TMEM132C: variants seen among roughly 807,000 people sequenced by gnomAD.
TMEM132C encodes the protein transmembrane protein 132C, also known as protein phosphatase 1, regulatory subunit 152.
TMEM132C carries 29 observed loss-of-function variants against 61.4 expected under a neutral mutation model. The ratio of observed to expected loss-of-function variants is 0.47; its 90% CI spans 0.35 to 0.64. The LOEUF (loss-of-function observed/expected upper bound fraction) is 0.64. Ranked by LOEUF, TMEM132C falls within the 30% of genes least tolerant of loss-of-function variation. The pLI, the probability that TMEM132C is intolerant of heterozygous loss-of-function variation, is 0.00. For missense variants in TMEM132C, 1,408 were observed against 1,476.9 expected, an observed-to-expected ratio of 0.95 and a Z score of 0.76; for synonymous variants, 656 against 633.1, an observed-to-expected ratio of 1.04 and a Z score of -0.54.
chr12:128,386,285 TTC>T (rs1283323931), intron 1 of TMEM132C, among the ~76,000 whole-genome samples: 2 of 152,176 alleles, frequency 1.3e-5, no homozygotes, highest in Admixed American at 6.5e-5. Flanking sequence ...GTGGCACCGT[TTC>T]TCTCTTTCGC....
intron 1 of TMEM132C, among the ~76,000 whole-genome samples, chr12:128,330,625 A>T (rs1565903282): frequency 6.6e-6 from 1 of 152,178 alleles, no homozygotes; most frequent in African/African-American, 2.4e-5. Flanking sequence ...CATTTTATAG[A>T]TCATCTTCTG....
At chr12:128,508,358 T>C (rs113372774) in intron 2 of TMEM132C, among the ~76,000 whole-genome samples, 146 of 152,246 alleles carry the variant, frequency 9.6e-4, no homozygotes, top group African/African-American at 3.5e-3. Flanking sequence ...AAGATGAGAT[T>C]TGGGTGGGGA....
At chr12:128,461,493 A>T (rs1454998307) in intron 2 of TMEM132C, among the ~76,000 whole-genome samples, 1 of 151,156 alleles carries the variant, frequency 6.6e-6, no homozygotes, top group African/African-American at 2.4e-5. Context: ...TGGCCTGAAG[A>T]CTGTCAGTGG....
intron 2 of TMEM132C, among the ~76,000 whole-genome samples, chr12:128,456,239 C>G (rs771090029): frequency 2.0e-5 from 3 of 151,950 alleles, no homozygotes; most frequent in Non-Finnish European, 4.4e-5. Flanking sequence ...ATCTGAGACC[C>G]GATGCAGTCT....
At chr12:128,394,998 GT>G (rs1337289051) in intron 1 of TMEM132C, among the ~76,000 whole-genome samples, 5 of 149,910 alleles carry the variant, frequency 3.3e-5, no homozygotes, top group African/African-American at 1.2e-4. Flanking sequence ...AATCACTTTT[GT>G]AAGTGTGATT....
At chr12:128,274,688 G>C (rs1870626889) in intron 1 of TMEM132C, among the ~76,000 whole-genome samples, 1 of 152,118 alleles carries the variant, frequency 6.6e-6, no homozygotes, top group South Asian at 2.1e-4. Flanking sequence ...ACTTATTTTT[G>C]TCTCAGTGCT....
intron 2 of TMEM132C, among the ~76,000 whole-genome samples, chr12:128,417,208 C>T (rs933756765): frequency 6.6e-6 from 1 of 152,106 alleles, no homozygotes; most frequent in African/African-American, 2.4e-5. Flanking sequence ...GAAATAAATG[C>T]ATCTATCCCT....
chr12:128,373,694 G>GAT (rs1278918603), intron 1 of TMEM132C, among the ~76,000 whole-genome samples: 1 of 152,214 alleles, frequency 6.6e-6, no homozygotes, highest in African/African-American at 2.4e-5. Flanking sequence ...GATCTTAGAG[G>GAT]ATACGAAAGG....
At chr12:128,608,084 A>G (rs971400310) in intron 3 of TMEM132C, among the ~76,000 whole-genome samples, 3 of 152,224 alleles carry the variant, frequency 2.0e-5, no homozygotes, top group African/African-American at 7.2e-5. Flanking sequence ...TGGTACCGTC[A>G]GCAAATCTTA....
intron 2 of TMEM132C, among the ~76,000 whole-genome samples, chr12:128,501,399 A>G (rs948287564): frequency 1.3e-5 from 2 of 152,202 alleles, no homozygotes; most frequent in African/African-American, 2.4e-5. Context: ...CTGCATCCCT[A>G]TGTGACTCAG....
chr12:128,323,439 A>G (rs1295316006), intron 1 of TMEM132C, among the ~76,000 whole-genome samples: 1 of 152,240 alleles, frequency 6.6e-6, no homozygotes, highest in East Asian at 1.9e-4. Flanking sequence ...ATTACAGGCC[A>G]AGAGGGAAGT....
At chr12:128,536,402 GC>G (rs1668451110) in intron 2 of TMEM132C, among the ~76,000 whole-genome samples, 4 of 152,112 alleles carry the variant, frequency 2.6e-5, no homozygotes, top group Non-Finnish European at 5.9e-5. Context: ...GGGGTGGGGG[GC>G]TGGGGGAGGG....
At chr12:128,337,670 C>T (rs1286162976) in intron 1 of TMEM132C, among the ~76,000 whole-genome samples, 1 of 152,106 alleles carries the variant, frequency 6.6e-6, no homozygotes, top group South Asian at 2.1e-4. Flanking sequence ...GAGGTTCGTC[C>T]CCTTGCTCCT....
At chr12:128,622,355 AAAAAAATATATATATATATATATATAT>A (rs1306806416) in intron 4 of TMEM132C, among the ~76,000 whole-genome samples, 4 of 62,790 alleles carry the variant, frequency 6.4e-5, no homozygotes, top group Admixed American at 1.5e-4. Context: ...AAAAAAAAAA[AAAAAAATATATATATATATATATATAT>A]ATATATATAT....
At chr12:128,300,677 C>T (rs1160877145) in intron 1 of TMEM132C, among the ~76,000 whole-genome samples, 3 of 152,130 alleles carry the variant, frequency 2.0e-5, no homozygotes, top group Non-Finnish European at 4.4e-5. Flanking sequence ...AGATGTGCTT[C>T]CCTAGAAATA....
intron 3 of TMEM132C, among the ~76,000 whole-genome samples, chr12:128,609,663 A>T (rs920131633): frequency 2.0e-5 from 3 of 152,076 alleles, no homozygotes; most frequent in African/African-American, 4.8e-5. Flanking sequence ...CTGTTATCCC[A>T]CACCCTGAAC....
intron 5 of TMEM132C, among the ~76,000 whole-genome samples, chr12:128,685,990 C>T (rs1197071918): frequency 6.6e-6 from 1 of 151,964 alleles, no homozygotes; most frequent in Non-Finnish European, 1.5e-5. Flanking sequence ...TAAGCAATCA[C>T]TGATAAAAGT....
At chr12:128,402,607 C>T (rs1875200337) in intron 1 of TMEM132C, among the ~76,000 whole-genome samples, 1 of 151,608 alleles carries the variant, frequency 6.6e-6, no homozygotes, top group Admixed American at 6.6e-5. Flanking sequence ...CAGCCTGAGC[C>T]AATCAGAACC....
intron 3 of TMEM132C, among the ~76,000 whole-genome samples, chr12:128,601,199 G>T (rs956739070): frequency 2.0e-5 from 3 of 152,198 alleles, no homozygotes. Flanking sequence ...TGGAAAGGCT[G>T]ATAGCTTCAA....
Sources: allele counts gnomAD v4.1 joint callset (sites outside exome capture counted in the v4.1 genomes callset), GRCh38; gene constraint gnomAD v4.1.1; transcripts MANE v1.5; gene names NCBI Gene and HGNC (gene_info 2026-07-23, HGNC 2026-07-21).